PRICKLE2: variants seen among roughly 807,000 people sequenced by gnomAD.
PRICKLE2 encodes prickle-like protein 2.
A neutral mutation model predicts 81.4 loss-of-function variants in PRICKLE2; 21 were observed. That is an observed-to-expected ratio of 0.26 (90% CI 0.18 to 0.37). The LOEUF (loss-of-function observed/expected upper bound fraction) is 0.37. PRICKLE2 is among the 10% of genes least tolerant of loss of function. The pLI, the probability that PRICKLE2 is intolerant of heterozygous loss-of-function variation, is 1.00. For missense variants in PRICKLE2, 940 were observed against 1,109.0 expected (o/e 0.85, Z 2.16); for synonymous variants, 456 against 421.5 (o/e 1.08, Z -1.00).
intron 7 of PRICKLE2, chr3:64,145,341 ATAT>A (rs2077431034): frequency 1.0e-5 from 1 of 95,532 alleles, no homozygotes; most frequent in Non-Finnish European, 2.5e-5. Flanking sequence ...CACACAATAT[ATAT>A]TATATATGAT....
chr3:64,172,535 G>T (rs916377739), intron 2 of PRICKLE2, among the ~76,000 whole-genome samples: 2 of 152,228 alleles, frequency 1.3e-5, no homozygotes, highest in African/African-American at 2.4e-5. Context: ...ATCTCCATCT[G>T]TAAATTGGGG....
chr3:64,146,641 G>A, intron 7 of PRICKLE2, 189 bp downstream of exon 7: 1 of 616,574 alleles, frequency 1.6e-6, no homozygotes, highest in Non-Finnish European at 2.8e-6. Flanking sequence ...TACTCGTGAG[G>A]CTGAGGCAGG....
chr3:64,116,149 G>T (rs1196707740), intron 7 of PRICKLE2, among the ~76,000 whole-genome samples: 1 of 152,142 alleles, frequency 6.6e-6, no homozygotes, highest in Non-Finnish European at 1.5e-5. Flanking sequence ...AGAAAGTAAT[G>T]ACAACAAAGA....
intron 3 of PRICKLE2, 110 bp downstream of exon 3, chr3:64,162,906 A>T: frequency 2.5e-6 from 2 of 814,236 alleles, no homozygotes; most frequent in South Asian, 2.7e-5. Context: ...ACCTAAAATA[A>T]ATTGCCAGAG....
At chr3:64,239,321 C>T (rs972486382) in intron 2 of PRICKLE2, among the ~76,000 whole-genome samples, 3 of 152,056 alleles carry the variant, frequency 2.0e-5, no homozygotes, top group Non-Finnish European at 2.9e-5. Context: ...CTGTTAGGAG[C>T]GTGGCCAAAA....
intron 2 of PRICKLE2, among the ~76,000 whole-genome samples, chr3:64,253,272 C>A (rs1002172707): frequency 1.3e-5 from 2 of 152,212 alleles, no homozygotes; most frequent in Admixed American, 1.3e-4. Flanking sequence ...GAGACTTCAG[C>A]AGTCTAAGTA....
chr3:64,092,361 C>T lies in PRICKLE2; in HGVS notation c.*6690G>A, dbSNP rs1352349675. 6.6e-6 allele frequency: 1 copy of T among 152,150 alleles called. No homozygotes were observed. The highest frequency in any genetic ancestry group is 2.4e-5 in the African/African-American group (1 of 41,418). The allele number at this position is 152,150 out of a possible 1,614,324, so 9.4% of individuals were successfully genotyped here. ...GGGTGGGTAAGACTACTTACTATTC[C>T]GAATGTCTTGCCTAGTTGAAAGTAA... On this transcript the variant is annotated 3_prime_UTR_variant, in exon 8 of 8. Transcript: ENST00000638394.
At chr3:64,217,419 T>C (rs1040509917) in intron 1 of PRICKLE2, among the ~76,000 whole-genome samples, 1 of 152,206 alleles carries the variant, frequency 6.6e-6, no homozygotes, top group African/African-American at 2.4e-5. Context: ...GCTTTTAGTA[T>C]ATCCATCACG....
chr3:64,141,596 T>C (rs1037688163), intron 7 of PRICKLE2, among the ~76,000 whole-genome samples: 5 of 152,200 alleles, frequency 3.3e-5, no homozygotes, highest in Non-Finnish European at 5.9e-5. Flanking sequence ...GTGGTATAAA[T>C]GGTGGCTGTG....
chr3:64,167,268 T>G (rs1380559770), intron 2 of PRICKLE2, among the ~76,000 whole-genome samples: 1 of 152,230 alleles, frequency 6.6e-6, no homozygotes, highest in Non-Finnish European at 1.5e-5. Context: ...CCCATTATGC[T>G]GATAACTGTA....
intron 7 of PRICKLE2, among the ~76,000 whole-genome samples, chr3:64,113,243 T>C (rs2076879454): frequency 1.3e-5 from 2 of 152,010 alleles, no homozygotes; most frequent in Admixed American, 1.3e-4. Context: ...CGGGCAGGGG[T>C]GGCCATTCCC....
chr3:64,092,627 C>CACAG lies in PRICKLE2; in HGVS notation c.*6420_*6423dup, dbSNP rs2076523088. On this transcript the variant is annotated 3_prime_UTR_variant, in exon 8 of 8. Coordinates refer to ENST00000638394, the MANE Select transcript of PRICKLE2 (RefSeq NM_198859.4). Reference sequence around the variant, plus strand: ...AGTGTTAATGCTGCCCTAACCAGAACACAGACATGGATGTAATTCTCCAGA... The same window carrying CACAG: ...AGTGTTAATGCTGCCCTAACCAGAACACAGACAGACATGGATGTAATTCTCCAGA... The CACAG allele has an allele frequency of 6.6e-6, 1 of 152,226 alleles. No individual in the cohort carries two copies. Among genetic ancestry groups the CACAG allele is most frequent in the Non-Finnish European group, 1.5e-5 (1 of 68,054 alleles). 9.4% of individuals were successfully genotyped at this position (152,226 alleles called of 1,614,324 possible). A position where few individuals can be genotyped will look rare whatever the true frequency, so the allele number is the denominator to read the frequency against.
chr3:64,264,055 AC>A (rs2079658120), intron 2 of PRICKLE2, among the ~76,000 whole-genome samples: 2 of 149,680 alleles, frequency 1.3e-5, no homozygotes, highest in African/African-American at 4.9e-5. Context: ...CGCCCACCCC[AC>A]CCCCCACTCC....
chr3:64,136,932 T>C (rs1185100012), intron 7 of PRICKLE2, among the ~76,000 whole-genome samples: 1 of 152,216 alleles, frequency 6.6e-6, no homozygotes, highest in East Asian at 1.9e-4. Flanking sequence ...AATGCAGTCA[T>C]TAAAAATGAT....
intron 1 of PRICKLE2, chr3:64,200,501 A>G (rs1239491153): frequency 6.6e-6 from 1 of 151,982 alleles, no homozygotes; most frequent in Non-Finnish European, 1.5e-5. Flanking sequence ...GTTTCCCAGG[A>G]TGGAGTGCAG....
chr3:64,120,446 C>T (rs2077007484), intron 7 of PRICKLE2, among the ~76,000 whole-genome samples: 1 of 152,094 alleles, frequency 6.6e-6, no homozygotes. Context: ...AGATGAGCAC[C>T]TTGCCCAAGG....
chr3:64,232,482 A>G (rs971783690), intron 2 of PRICKLE2, among the ~76,000 whole-genome samples: 2 of 152,184 alleles, frequency 1.3e-5, no homozygotes, highest in Non-Finnish European at 2.9e-5. Context: ...GCTCACTGAA[A>G]CACTTCTTAG....
chr3:64,227,890 A>G (rs535963671), upstream of PRICKLE2, among the ~76,000 whole-genome samples: 1 of 152,326 alleles, frequency 6.6e-6, no homozygotes, highest in South Asian at 2.1e-4. Context: ...AGGTGGGGAG[A>G]AAGCGGTAAA....
intron 6 of PRICKLE2, among the ~76,000 whole-genome samples, chr3:64,148,544 G>A (rs2077493832): frequency 6.6e-6 from 1 of 152,138 alleles, no homozygotes; most frequent in East Asian, 1.9e-4. Context: ...TATTCCAATG[G>A]GTAAGTCACA....
Sources: allele counts gnomAD v4.1 joint callset (sites outside exome capture counted in the v4.1 genomes callset), GRCh38; gene constraint gnomAD v4.1.1; transcripts MANE v1.5; gene names NCBI Gene and HGNC (gene_info 2026-07-23, HGNC 2026-07-21).